Variants in PLCXD3 observed in about 807,000 individuals in gnomAD.
The protein encoded by PLCXD3 is phosphatidylinositol specific phospholipase C X domain containing 3, also known as PI-PLC X domain-containing protein 3.
Under a neutral mutation model 25.5 loss-of-function variants are expected in PLCXD3, and 19 were observed. The observed-to-expected ratio is 0.75, with a 90% CI of 0.52 to 1.09. The LOEUF is 1.09. Among genes scored for constraint, PLCXD3 ranks in the 50% least tolerant of loss-of-function variants. The pLI is 0.00. For missense variants in PLCXD3, 411 were observed against 388.1 expected (o/e 1.06, Z -0.50); for synonymous variants, 174 against 137.6 (o/e 1.26, Z -1.85).
intron 2 of PLCXD3, among the ~76,000 whole-genome samples, chr5:41,379,307 T>C (rs928878090): frequency 2.0e-5 from 3 of 152,096 alleles, no homozygotes; most frequent in Non-Finnish European, 4.4e-5. Context: ...TTTCTAAGTT[T>C]GTGAGAAAGG....
At chr5:41,490,094 C>T (rs1307642387) in intron 1 of PLCXD3, among the ~76,000 whole-genome samples, 18 of 151,128 alleles carry the variant, frequency 1.2e-4, no homozygotes, top group Admixed American at 4.6e-4. Context: ...CTCTTATTAT[C>T]TTGAGATATG....
chr5:41,491,351 C>T (rs1748665108), intron 1 of PLCXD3, among the ~76,000 whole-genome samples: 1 of 152,074 alleles, frequency 6.6e-6, no homozygotes. Flanking sequence ...GCTTTACTTC[C>T]AACTATATGG....
intron 2 of PLCXD3, among the ~76,000 whole-genome samples, chr5:41,331,500 G>A (rs1438843923): frequency 1.3e-5 from 2 of 152,146 alleles, no homozygotes; most frequent in African/African-American, 4.8e-5. Context: ...TCAATATCGT[G>A]AAAATGGCCA....
At chr5:41,403,412 T>TGTTTG (rs1746259137) in intron 1 of PLCXD3, among the ~76,000 whole-genome samples, 1 of 41,738 alleles carries the variant, frequency 2.4e-5, no homozygotes. Context: ...TTTTTTTTTT[T>TGTTTG]TTTTATTATA....
At chr5:41,364,045 G>A (rs747427603) in intron 2 of PLCXD3, among the ~76,000 whole-genome samples, 15 of 152,144 alleles carry the variant, frequency 9.9e-5, no homozygotes, top group Non-Finnish European at 1.9e-4. Context: ...TAGTCCACCA[G>A]TTTCCAGCCA....
intron 1 of PLCXD3, among the ~76,000 whole-genome samples, chr5:41,451,333 A>C (rs1245038675): frequency 1.3e-5 from 2 of 152,030 alleles, no homozygotes; most frequent in African/African-American, 2.4e-5. Context: ...TATTTGTCAT[A>C]AGATGGTATT....
intron 1 of PLCXD3, among the ~76,000 whole-genome samples, chr5:41,438,107 A>G (rs1747298306): frequency 1.3e-5 from 2 of 152,168 alleles, no homozygotes; most frequent in South Asian, 4.1e-4. Context: ...AAAGGTGACC[A>G]CTAGCGAAAT....
rs1745473304 is a variant in PLCXD3, at chr5:41,381,899, C to T, written c.739G>A (p.Val247Met). Residue 247 changes from valine to methionine, a missense_variant, in exon 2 of 3, where the codon GTG (valine) becomes ATG (methionine). Transcript: ENST00000377801. The stretch of plus-strand genomic sequence containing the variant: ...GTGCTAGCTTTGGGGGTCAGCACCA[C>T]CTGAGATATAAAAAACGATCCCTTC... Reference protein sequence around the residue: ...RKKGSFFISQVVLTPKASTVV... With the variant: ...RKKGSFFISQMVLTPKASTVV... 8 of 1,613,290 alleles carry T rather than the reference C, an allele frequency of 5.0e-6. No individual in the cohort carries two copies. The highest frequency in any genetic ancestry group is 5.9e-6 in the Non-Finnish European group (7 of 1,179,670).
chr5:41,326,393 C>G (rs1194961648), intron 2 of PLCXD3, among the ~76,000 whole-genome samples: 1 of 152,094 alleles, frequency 6.6e-6, no homozygotes, highest in Non-Finnish European at 1.5e-5. Context: ...TCTTCATGAA[C>G]AACTACAAAT....
chr5:41,419,090 A>T (rs1746757482), intron 1 of PLCXD3, among the ~76,000 whole-genome samples: 1 of 151,820 alleles, frequency 6.6e-6, no homozygotes, highest in Admixed American at 6.6e-5. Context: ...ATATGTTAGA[A>T]ACATGAAAGT....
chr5:41,344,445 A>G (rs1744246716), intron 2 of PLCXD3, among the ~76,000 whole-genome samples: 1 of 152,162 alleles, frequency 6.6e-6, no homozygotes, highest in African/African-American at 2.4e-5. Flanking sequence ...AATTAAAGAA[A>G]TATTTGAATC....
At chr5:41,381,571 G>C (rs1252423740) in intron 2 of PLCXD3, among the ~76,000 whole-genome samples, 1 of 152,046 alleles carries the variant, frequency 6.6e-6, no homozygotes, top group Non-Finnish European at 1.5e-5. Flanking sequence ...ACCTAGGAGA[G>C]AGGCATGAAA....
intron 1 of PLCXD3, among the ~76,000 whole-genome samples, chr5:41,461,297 T>C (rs1333629677): frequency 6.6e-6 from 1 of 151,992 alleles, no homozygotes; most frequent in Non-Finnish European, 1.5e-5. Context: ...ATGTAAAGCA[T>C]GACTGAAACA....
intron 1 of PLCXD3, among the ~76,000 whole-genome samples, chr5:41,434,233 TTCTGCG>T (rs1186905505): frequency 6.6e-6 from 1 of 152,240 alleles, no homozygotes; most frequent in African/African-American, 2.4e-5. Flanking sequence ...TGGGTTTGAC[TTCTGCG>T]TGTGATTTTG....
At chr5:41,497,388 A>G (rs148956311) in intron 1 of PLCXD3, among the ~76,000 whole-genome samples, 1 of 152,038 alleles carries the variant, frequency 6.6e-6, no homozygotes, top group East Asian at 1.9e-4. Flanking sequence ...CCATATTTAT[A>G]TCAGACAAAA....
Position 41,504,495 on chromosome 5 carries a change from G to T in PLCXD3, c.103+5929C>A, listed in dbSNP as rs562530377. On this transcript the variant is annotated intron_variant, in intron 1 of 2. Coordinates refer to ENST00000377801, the MANE Select transcript of PLCXD3 (RefSeq NM_001005473.3). ...AGTGCCAGCACTCAGGGCTTCAGCA[G>T]TGATGGCAGAGTCAGCAATAGGAGA... 5.3e-5 allele frequency among the ~76,000 whole-genome samples: 8 copies of T among 152,308 alleles called. No individual in the cohort carries two copies. The South Asian group carries it at 1.7e-3, about 32-fold the overall frequency.
In PLCXD3 at chr5:41,489,346, C is replaced by T. The variant is rs1375967522; in HGVS notation, c.103+21078G>A. Among the ~76,000 whole-genome samples the T allele has an allele frequency of 3.1e-3, 471 of 151,864 alleles. 3 individuals are homozygous for T. The highest frequency in any genetic ancestry group is 4.8e-3 in the Non-Finnish European group (329 of 67,854). ...TGGTTACTGTAGCCTTGTAGTATAG[C>T]TTGAAGTCAGGTAGTGTGATGCCTC... On this transcript the variant is annotated intron_variant, in intron 1 of 2. Transcript: ENST00000377801.
rs1747774046 is a variant in PLCXD3, at chr5:41,457,250, G to A, written c.103+53174C>T. The stretch of plus-strand genomic sequence containing the variant: ...ACAGCCACTGGAAAGCGATTTGCAT[G>A]AACATGTATCTGAGAACCCTCTGTT... On this transcript the variant is annotated intron_variant, in intron 1 of 2. Transcript: ENST00000377801. 2.6e-5 allele frequency among the ~76,000 whole-genome samples: 4 copies of A among 151,892 alleles called. No homozygotes were observed. The South Asian group carries it at 8.3e-4, about 31-fold the overall frequency.
At chr5:41,435,458 C>T (rs1384702048) in intron 1 of PLCXD3, among the ~76,000 whole-genome samples, 3 of 152,146 alleles carry the variant, frequency 2.0e-5, no homozygotes, top group Non-Finnish European at 4.4e-5. Flanking sequence ...GGAGCACCAC[C>T]CACATGGACA....
Sources: gnomAD v4.1 joint callset for allele counts (sites outside exome capture counted in the v4.1 genomes callset) on GRCh38, gnomAD v4.1.1 for gene constraint, MANE v1.5 for transcripts, NCBI Gene and HGNC (gene_info 2026-07-23, HGNC 2026-07-21) for gene names.